The following ZCCHC8 variants were observed in gnomAD, a reference collection of about 807,000 sequenced individuals.
The protein encoded by ZCCHC8 is zinc finger CCHC domain-containing protein 8.
In ZCCHC8, 27 loss-of-function variants were observed where a neutral mutation model predicts 70.6. The observed-to-expected ratio is 0.38, with a 90% confidence interval of 0.28 to 0.53. The LOEUF is 0.53. ZCCHC8 is among the 20% of genes least tolerant of loss of function. ZCCHC8 has a pLI of 0.81. For missense variants in ZCCHC8, 737 were observed against 876.9 expected (o/e 0.84, Z 2.01); for synonymous variants, 293 against 317.4 (o/e 0.92, Z 0.82).
intron 3 of ZCCHC8, 53 bp from the exon 4 acceptor site, chr12:122,490,620 G>C (rs1199900324): frequency 1.8e-6 from 2 of 1,136,954 alleles, no homozygotes; most frequent in African/African-American, 3.1e-5. Flanking sequence ...ACATTCAATA[G>C]ACTGAAGTCT....
At chr12:122,481,494 G>T in intron 10 of ZCCHC8, 28 bp downstream of exon 10, 1 of 1,563,886 alleles carries the variant, frequency 6.4e-7, no homozygotes. Context: ...AACACTTAAG[G>T]TGACTTCTCT....
chr12:122,481,467 AT>A, intron 10 of ZCCHC8, 54 bp downstream of exon 10: 2 of 1,380,912 alleles, frequency 1.4e-6, no homozygotes, highest in Admixed American at 2.6e-5. Flanking sequence ...TGATTCTTTA[AT>A]TAAAAAAAAA....
At chr12:122,494,416 C>T (rs563910233) in intron 2 of ZCCHC8, among the ~76,000 whole-genome samples, 1 of 151,298 alleles carries the variant, frequency 6.6e-6, no homozygotes, top group East Asian at 1.9e-4. Context: ...CAAAAATTAG[C>T]CATGCGTGGT....
chr12:122,483,107 G>A lies in ZCCHC8; in HGVS notation c.671+172C>T, dbSNP rs1186041072. 4.6e-6 allele frequency: 3 copies of A among 647,858 alleles called. No individual in the cohort carries two copies. The highest frequency in any genetic ancestry group is 1.8e-5 in the African/African-American group (1 of 54,566). 40.1% of individuals were successfully genotyped at this position (647,858 alleles called of 1,614,324 possible). ...GGTGAGAACCAATGAATTCCAGGAA[G>A]CAGATGATTCATTTAAACATTTAAC... On this transcript the variant is annotated intron_variant, in intron 7 of 13. Transcript: ENST00000633063. This position sits in a 1 kb window ranked among gnomAD's most constrained non-coding sequence, Gnocchi z 4.4.
At position 122,473,407 on chromosome 12, in the gene ZCCHC8, C is replaced by A; in HGVS notation, c.*90G>T. 7.3e-7 allele frequency: 1 copy of A among 1,368,562 alleles called. No individual in the cohort carries two copies. The highest frequency in any genetic ancestry group is 9.8e-7 in the Non-Finnish European group (1 of 1,016,416). The allele number at this position is 1,368,562 out of a possible 1,614,324, so 84.8% of individuals were successfully genotyped here. The stretch of plus-strand genomic sequence containing the variant: ...GATAGATTTTTAAACATGGGAGGGA[C>A]AAACAGGAAAACCATTCTATCTATC... On this transcript the variant is annotated 3_prime_UTR_variant, in exon 14 of 14. Coordinates refer to ENST00000633063, the MANE Select transcript of ZCCHC8 (RefSeq NM_017612.5).
In ZCCHC8 at chr12:122,473,573, C is replaced by T; in HGVS notation, c.2048G>A (p.Gly683Glu). 1 of 1,613,948 alleles carries T rather than the reference C, an allele frequency of 6.2e-7. No homozygotes were observed. The highest frequency in any genetic ancestry group is 1.1e-5 in the South Asian group (1 of 91,078). Residue 683 changes from glycine to glutamate, a missense_variant, in exon 14 of 14, where the codon GGA (glycine) becomes GAA (glutamate). Transcript: ENST00000633063. ...CAAGCTTCTTATCCTGAGGTACATT[C>T]CAGTAGATTCTGCCATATTCTCAAA... ...FEFENMAEST[G>E]MYLRIRSLLK...
At chr12:122,489,637 C>CT (rs1191919444) in intron 4 of ZCCHC8, among the ~76,000 whole-genome samples, 174 bp from the exon 5 acceptor site, 2 of 152,152 alleles carry the variant, frequency 1.3e-5, no homozygotes, top group Admixed American at 1.3e-4. Flanking sequence ...ACTACAACTT[C>CT]TTTTTTAACC....
At chr12:122,489,529 G>T in intron 4 of ZCCHC8, 66 bp from the exon 5 acceptor site, 2 of 1,396,498 alleles carry the variant, frequency 1.4e-6, no homozygotes, top group Non-Finnish European at 2.0e-6. Flanking sequence ...ATGGAAGTTA[G>T]TAAGTTTAGA....
intron 2 of ZCCHC8, among the ~76,000 whole-genome samples, chr12:122,496,425 A>G (rs968033586): frequency 6.6e-6 from 1 of 152,186 alleles, no homozygotes; most frequent in African/African-American, 2.4e-5. Context: ...TGATGCGGTA[A>G]TCGTTTGAAC....
intron 2 of ZCCHC8, 71 bp from the exon 3 acceptor site, chr12:122,492,860 T>G: frequency 9.6e-7 from 1 of 1,036,786 alleles, no homozygotes; most frequent in South Asian, 1.5e-5. Context: ...TATAAACGCA[T>G]AACTTTTATA....
chr12:122,480,473 CTT>C (rs63098963), intron 10 of ZCCHC8, 162 bp from the exon 11 acceptor site: 3,315 of 328,966 alleles, frequency 0.01, no homozygotes, highest in South Asian at 0.017. Flanking sequence ...TAGGACAGAA[CTT>C]TTTTTTTTTT....
intron 5 of ZCCHC8, among the ~76,000 whole-genome samples, chr12:122,486,114 T>G (rs1957632116): frequency 6.6e-6 from 1 of 152,004 alleles, no homozygotes; most frequent in African/African-American, 2.4e-5. Flanking sequence ...AACCCAGCTC[T>G]TTTAAAAAGT....
chr12:122,498,727 C>T lies in ZCCHC8; in HGVS notation c.242+100G>A, dbSNP rs951374158. On this transcript the variant is annotated intron_variant, in intron 2 of 13. Coordinates refer to ENST00000633063, the MANE Select transcript of ZCCHC8 (RefSeq NM_017612.5). ...GTATGCTAAACAAATAAAAATGATA[C>T]AAAAATCCCATACACTTTTTACAAC... is the stretch of plus-strand genomic sequence containing the variant. The T allele has an allele frequency of 1.2e-5, 14 of 1,150,742 alleles. No individual in the cohort carries two copies. The African/African-American group carries it at 1.7e-4, about 14-fold the overall frequency. 71.3% of individuals were successfully genotyped at this position (1,150,742 alleles called of 1,614,324 possible).
At chr12:122,495,847 CAAAA>C (rs538311699) in intron 2 of ZCCHC8, among the ~76,000 whole-genome samples, 1 of 78,334 alleles carries the variant, frequency 1.3e-5, no homozygotes, top group African/African-American at 5.6e-5. Context: ...CACTCTGTCT[CAAAA>C]AAAAAAAAAA....
chr12:122,473,010 C>T lies in ZCCHC8; in HGVS notation c.*487G>A, dbSNP rs944855352. Reference sequence around the variant, plus strand: ...AGTAAAAGTATTACTAAAATTGACACATGTAAATCACTTACAAAAATACCC... The same window carrying T: ...AGTAAAAGTATTACTAAAATTGACATATGTAAATCACTTACAAAAATACCC... On this transcript the variant is annotated 3_prime_UTR_variant, in exon 14 of 14. Transcript: ENST00000633063. 2.0e-4 allele frequency: 31 copies of T among 154,826 alleles called. No homozygotes were observed. Among genetic ancestry groups the T allele is most frequent in the South Asian group, 4.0e-4 (2 of 4,996 alleles). 9.6% of individuals were successfully genotyped at this position (154,826 alleles called of 1,614,324 possible).
At chr12:122,485,006 C>T (rs1957605687) in intron 5 of ZCCHC8, among the ~76,000 whole-genome samples, 3 of 152,186 alleles carry the variant, frequency 2.0e-5, no homozygotes, top group Admixed American at 2.0e-4. Context: ...TATTAGAGTG[C>T]CCTAGGTCTC....
chr12:122,482,498 G>A (rs142270996), intron 8 of ZCCHC8, 137 bp downstream of exon 8: 2 of 522,900 alleles, frequency 3.8e-6, no homozygotes, highest in Non-Finnish European at 6.5e-6. Flanking sequence ...AATTTGAAAA[G>A]ATTTCAAATT....
At chr12:122,474,529 T>C (rs1017038673) in intron 13 of ZCCHC8, among the ~76,000 whole-genome samples, 3 of 152,162 alleles carry the variant, frequency 2.0e-5, no homozygotes, top group Non-Finnish European at 4.4e-5. Flanking sequence ...GTTTCTGTGC[T>C]GTGTGCATCA....
At position 122,473,297 on chromosome 12, in the gene ZCCHC8, A is replaced by G. The variant is rs190454346; in HGVS notation, c.*200T>C. 1 of 604,264 alleles carries G rather than the reference A, an allele frequency of 1.7e-6. No homozygotes were observed. Among genetic ancestry groups the G allele is most frequent in the African/African-American group, 1.8e-5 (1 of 54,258 alleles). The allele number at this position is 604,264 out of a possible 1,614,324, so 37.4% of individuals were successfully genotyped here. A position where few individuals can be genotyped will look rare whatever the true frequency, so the allele number is the denominator to read the frequency against. On this transcript the variant is annotated 3_prime_UTR_variant, in exon 14 of 14. Coordinates refer to ENST00000633063, the MANE Select transcript of ZCCHC8 (RefSeq NM_017612.5). ...CAGGTCATATTCACATCTCCCCCCAAGTTTTGTCAGTGAGAATAAAATATA... is the reference window on the plus strand; with the variant it reads ...CAGGTCATATTCACATCTCCCCCCAGGTTTTGTCAGTGAGAATAAAATATA...
Sources: gnomAD v4.1 joint callset for allele counts (sites outside exome capture counted in the v4.1 genomes callset) on GRCh38, gnomAD v4.1.1 for gene constraint, Gnocchi (gnomAD v3.1) non-coding constraint, MANE v1.5 for transcripts, NCBI Gene and HGNC (gene_info 2026-07-23, HGNC 2026-07-21) for gene names.